The following NUBPL variants were observed in gnomAD, a reference collection of about 807,000 sequenced individuals.
The protein encoded by NUBPL is NUBP iron-sulfur cluster assembly factor, mitochondrial.
In NUBPL, 31 loss-of-function variants were observed where a neutral mutation model predicts 45.7. That is an observed-to-expected ratio of 0.68 (90% CI 0.51 to 0.92). The LOEUF (loss-of-function observed/expected upper bound fraction) is 0.92, where lower values mean the gene tolerates loss of function less well. NUBPL is among the 40% of genes least tolerant of loss of function. NUBPL has a pLI of 0.00. For synonymous variants in NUBPL, 144 were observed against 140.9 expected (o/e 1.02, Z -0.15); for missense variants, 401 against 398.7 (o/e 1.01, Z -0.05).
chr14:31,575,872 C>G (rs567422438), intron 3 of NUBPL, among the ~76,000 whole-genome samples: 1 of 152,236 alleles, frequency 6.6e-6, no homozygotes, highest in South Asian at 2.1e-4. Context: ...GAAACCAGGG[C>G]AAAAGGTCAG....
intron 6 of NUBPL, chr14:31,686,931 C>T (rs1193046077): frequency 6.6e-6 from 1 of 152,190 alleles, no homozygotes; most frequent in Non-Finnish European, 1.5e-5. Context: ...ACACGTGCGA[C>T]ATCGCAAGAC....
At chr14:31,711,919 A>G (rs1206195525) in intron 6 of NUBPL, among the ~76,000 whole-genome samples, 1 of 151,278 alleles carries the variant, frequency 6.6e-6, no homozygotes, top group Non-Finnish European at 1.5e-5. Flanking sequence ...CATCCCTCCC[A>G]GTGGGTTCGT....
intron 4 of NUBPL, among the ~76,000 whole-genome samples, chr14:31,613,751 C>T (rs559681977): frequency 6.6e-5 from 10 of 152,132 alleles, no homozygotes; most frequent in East Asian, 1.9e-4. Context: ...CCACTGCGCC[C>T]GGCCTAATTG....
At chr14:31,815,001 G>A (rs2039886969) in intron 7 of NUBPL, among the ~76,000 whole-genome samples, 1 of 152,168 alleles carries the variant, frequency 6.6e-6, no homozygotes, top group South Asian at 2.1e-4. Context: ...TTTCGCTTAG[G>A]ATTGTCTTGG....
At chr14:31,620,647 T>C (rs990682793) in intron 4 of NUBPL, among the ~76,000 whole-genome samples, 2 of 152,194 alleles carry the variant, frequency 1.3e-5, no homozygotes, top group Non-Finnish European at 2.9e-5. Context: ...TGTTTCTTCC[T>C]GTGGAAGCTT....
chr14:31,637,816 T>C (rs1595408560), intron 4 of NUBPL, among the ~76,000 whole-genome samples: 1 of 152,218 alleles, frequency 6.6e-6, no homozygotes, highest in Non-Finnish European at 1.5e-5. Flanking sequence ...CTCTTCTTGT[T>C]GAATTGATCC....
chr14:31,593,221 G>C (rs1005822532), intron 3 of NUBPL, among the ~76,000 whole-genome samples: 7 of 152,058 alleles, frequency 4.6e-5, no homozygotes, highest in Non-Finnish European at 1.0e-4. Context: ...TTATGTAAGA[G>C]TCTGAGGATT....
chr14:31,690,339 C>T (rs2037064186), intron 6 of NUBPL, among the ~76,000 whole-genome samples: 1 of 152,180 alleles, frequency 6.6e-6, no homozygotes, highest in Non-Finnish European at 1.5e-5. Context: ...ATTGGGTCCA[C>T]TGACGTGTTT....
intron 6 of NUBPL, among the ~76,000 whole-genome samples, chr14:31,709,045 A>C (rs375638642): frequency 1.1e-4 from 17 of 152,150 alleles, no homozygotes; most frequent in African/African-American, 4.1e-4. Context: ...TCTTTCTCTG[A>C]TCTTGCTTTT....
chr14:31,608,160 C>G (rs1174847935), intron 4 of NUBPL, among the ~76,000 whole-genome samples: 1 of 152,108 alleles, frequency 6.6e-6, no homozygotes, highest in African/African-American at 2.4e-5. Context: ...CTTCAAGCAT[C>G]AAGAAGAAAT....
At chr14:31,834,480 G>C (rs1156491744) in intron 8 of NUBPL, among the ~76,000 whole-genome samples, 1 of 152,004 alleles carries the variant, frequency 6.6e-6, no homozygotes, top group Non-Finnish European at 1.5e-5. Flanking sequence ...CGCCTGGCCG[G>C]TCTGGAACTT....
At chr14:31,644,075 T>C (rs1245844931) in intron 4 of NUBPL, among the ~76,000 whole-genome samples, 1 of 152,028 alleles carries the variant, frequency 6.6e-6, no homozygotes, top group Non-Finnish European at 1.5e-5. Context: ...CAATTTTGCT[T>C]GTCTTGTTTA....
intron 6 of NUBPL, among the ~76,000 whole-genome samples, chr14:31,774,576 G>A (rs1232156617): frequency 6.6e-6 from 1 of 152,108 alleles, no homozygotes; most frequent in Non-Finnish European, 1.5e-5. Context: ...TATAACGGAT[G>A]TCCTGAAAAA....
intron 4 of NUBPL, among the ~76,000 whole-genome samples, chr14:31,602,395 A>G (rs1390916556): frequency 2.9e-5 from 1 of 35,030 alleles, no homozygotes; most frequent in East Asian, 7.1e-4. Flanking sequence ...ATAATAATAG[A>G]AAAAAAAAAG....
At chr14:31,616,352 A>G (rs2034899469) in intron 4 of NUBPL, among the ~76,000 whole-genome samples, 1 of 152,116 alleles carries the variant, frequency 6.6e-6, no homozygotes, top group South Asian at 2.1e-4. Context: ...GCCCATGCCT[A>G]TGTCCTGAAT....
intron 7 of NUBPL, among the ~76,000 whole-genome samples, chr14:31,819,719 C>T (rs1044824409): frequency 1.3e-5 from 2 of 152,116 alleles, no homozygotes; most frequent in African/African-American, 2.4e-5. Flanking sequence ...CAGAATCTGC[C>T]AGACAATCAA....
chr14:31,717,251 C>T (rs1218441984), intron 6 of NUBPL, among the ~76,000 whole-genome samples: 1 of 152,174 alleles, frequency 6.6e-6, no homozygotes, highest in East Asian at 1.9e-4. Flanking sequence ...TTCCCTCCTG[C>T]TTTCCTGTCT....
chr14:31,635,424 G>A (rs1490956455), intron 4 of NUBPL, among the ~76,000 whole-genome samples: 1 of 151,820 alleles, frequency 6.6e-6, no homozygotes, highest in Non-Finnish European at 1.5e-5. Flanking sequence ...ATTTCTGAGG[G>A]CTCTGTTCTG....
intron 8 of NUBPL, among the ~76,000 whole-genome samples, chr14:31,833,104 A>T (rs1163141410): frequency 6.6e-6 from 1 of 152,152 alleles, no homozygotes; most frequent in Admixed American, 6.5e-5. Flanking sequence ...GTGGTGGCTC[A>T]TGCCTGTAAT....
Sources: gnomAD v4.1 joint callset for allele counts (sites outside exome capture counted in the v4.1 genomes callset) on GRCh38, gnomAD v4.1.1 for gene constraint, MANE v1.5 for transcripts, NCBI Gene and HGNC (gene_info 2026-07-23, HGNC 2026-07-21) for gene names.